THSD4: variants seen among roughly 807,000 people sequenced by gnomAD.
THSD4 encodes the protein thrombospondin type-1 domain-containing protein 4.
A neutral mutation model predicts 119.0 loss-of-function variants in THSD4; 69 were observed. That is an observed-to-expected ratio of 0.58 (90% CI 0.48 to 0.71). The LOEUF (loss-of-function observed/expected upper bound fraction) is 0.71, where lower values mean the gene tolerates loss of function less well. Ranked by LOEUF, THSD4 falls within the 30% of genes least tolerant of loss-of-function variation. THSD4 has a pLI of 0.00. For missense variants in THSD4, 1,393 were observed against 1,391.1 expected, an observed-to-expected ratio of 1.00 and a Z score of -0.02; for synonymous variants, 524 against 540.4, an observed-to-expected ratio of 0.97 and a Z score of 0.42.
chr15:71,180,171 T>TAAAAAAAAAAAAAA (rs61126896), intron 3 of THSD4, among the ~76,000 whole-genome samples: 2 of 141,326 alleles, frequency 1.4e-5, no homozygotes, highest in African/African-American at 2.7e-5. Context: ...AAAAAAAAAA[T>TAAAAAAAAAAAAAA]AAAAAAAAAA....
intron 6 of THSD4, among the ~76,000 whole-genome samples, chr15:71,362,337 C>T (rs750591384): frequency 1.8e-4 from 27 of 152,168 alleles, no homozygotes; most frequent in Non-Finnish European, 4.0e-4. Context: ...TCACTCTTTA[C>T]TCCTTTGTAC....
At chr15:71,269,710 T>C (rs1488291770) in intron 6 of THSD4, among the ~76,000 whole-genome samples, 1 of 152,114 alleles carries the variant, frequency 6.6e-6, no homozygotes, top group Non-Finnish European at 1.5e-5. Flanking sequence ...CCCATCGTCT[T>C]AACCCCAAAT....
intron 6 of THSD4, among the ~76,000 whole-genome samples, chr15:71,379,212 A>G (rs376140882): frequency 2.0e-5 from 3 of 150,792 alleles, no homozygotes; most frequent in East Asian, 3.9e-4. Flanking sequence ...TCTCATTGTT[A>G]AAGTACATCT....
Position 71,487,620 on chromosome 15 carries a change from G to C in THSD4, c.1152+75797G>C, listed in dbSNP as rs187417094. 2.6e-3 allele frequency among the ~76,000 whole-genome samples: 397 copies of C among 152,306 alleles called. 3 individuals carry two copies. The highest frequency in any genetic ancestry group is 0.017 in the South Asian group (80 of 4,826). On this transcript the variant is annotated intron_variant, in intron 7 of 17. Coordinates refer to ENST00000261862, the MANE Select transcript of THSD4 (RefSeq NM_024817.3). The stretch of plus-strand genomic sequence containing the variant: ...TGGCCAGCTTAGAATCTTTCATGTA[G>C]ATATTTGTCTAGCTCCAAAGTAAGA...
chr15:71,606,240 A>G (rs537145706), intron 7 of THSD4, among the ~76,000 whole-genome samples: 1 of 152,340 alleles, frequency 6.6e-6, no homozygotes, highest in East Asian at 1.9e-4. Context: ...GTTCTTGCGA[A>G]GAGCAAAAGA....
intron 8 of THSD4, among the ~76,000 whole-genome samples, chr15:71,698,144 G>A (rs1218969874): frequency 6.6e-6 from 1 of 152,162 alleles, no homozygotes; most frequent in Non-Finnish European, 1.5e-5. Context: ...GTCACTTCCT[G>A]ATGCCTATTG....
rs71154772 is a variant in THSD4, at chr15:71,442,660, GTATA to G, written c.1152+30877_1152+30880del. The stretch of plus-strand genomic sequence containing the variant: ...TGTGTGTATATGTGTGTGTGTGTGT[GTATA>G]TATATATATATATATATATATATAT... On this transcript the variant is annotated intron_variant, in intron 7 of 17. Transcript: ENST00000261862. 3.5e-3 allele frequency among the ~76,000 whole-genome samples: 91 copies of G among 25,820 alleles called. 11 individuals are homozygous for G. Among genetic ancestry groups the G allele is most frequent in the South Asian group, 0.012 (5 of 418 alleles). The allele number at this position is 25,820 out of a possible 152,430, so 16.9% of individuals were successfully genotyped here.
chr15:71,386,921 A>G (rs2046300217), intron 6 of THSD4, among the ~76,000 whole-genome samples: 2 of 152,196 alleles, frequency 1.3e-5, no homozygotes, highest in East Asian at 1.9e-4. Flanking sequence ...TGGAAACAGA[A>G]CAGAAAAGGA....
At chr15:71,327,987 T>C (rs2045369290) in intron 6 of THSD4, among the ~76,000 whole-genome samples, 1 of 152,164 alleles carries the variant, frequency 6.6e-6, no homozygotes, top group Admixed American at 6.5e-5. Context: ...CCCACAAACT[T>C]ACTAAGGTAA....
At chr15:71,284,876 A>G (rs2044697280) in intron 6 of THSD4, among the ~76,000 whole-genome samples, 1 of 152,180 alleles carries the variant, frequency 6.6e-6, no homozygotes, top group African/African-American at 2.4e-5. Context: ...GTCATGACCT[A>G]CCCAGTCCTT....
intron 7 of THSD4, among the ~76,000 whole-genome samples, chr15:71,522,846 G>A (rs2048462311): frequency 6.6e-6 from 1 of 152,192 alleles, no homozygotes; most frequent in Non-Finnish European, 1.5e-5. Flanking sequence ...TACCTGGAAG[G>A]TGAAAAGGAA....
intron 6 of THSD4, among the ~76,000 whole-genome samples, chr15:71,339,851 G>C (rs182907420): frequency 4.8e-4 from 73 of 152,010 alleles, no homozygotes; most frequent in Admixed American, 3.9e-3. Flanking sequence ...TGCAACCTCT[G>C]CCTCCTGGGT....
intron 4 of THSD4, among the ~76,000 whole-genome samples, chr15:71,227,546 A>G (rs1380717514): frequency 6.6e-6 from 1 of 152,344 alleles, no homozygotes; most frequent in East Asian, 1.9e-4. Context: ...TTGTTGATTC[A>G]GTCATAGTAA....
At chr15:71,254,314 A>C (rs1220608051) in intron 5 of THSD4, among the ~76,000 whole-genome samples, 1 of 152,190 alleles carries the variant, frequency 6.6e-6, no homozygotes, top group Non-Finnish European at 1.5e-5. Context: ...GGCTTGCCAC[A>C]TCTCCAGGTC....
intron 1 of THSD4, among the ~76,000 whole-genome samples, chr15:71,122,728 C>T (rs1021709826): frequency 6.6e-6 from 1 of 152,168 alleles, no homozygotes; most frequent in South Asian, 2.1e-4. Context: ...TGCTCCATCA[C>T]GGTTTCCTTA....
At chr15:71,407,259 C>T (rs1420643302) in intron 6 of THSD4, among the ~76,000 whole-genome samples, 3 of 152,120 alleles carry the variant, frequency 2.0e-5, no homozygotes, top group Non-Finnish European at 4.4e-5. Flanking sequence ...TGCTTTCTCC[C>T]CCATTTCCAA....
chr15:71,575,082 G>A (rs375518998), intron 7 of THSD4, among the ~76,000 whole-genome samples: 5 of 149,088 alleles, frequency 3.4e-5, no homozygotes, highest in African/African-American at 1.2e-4. Context: ...TGTTGCTGAG[G>A]GCATTGTTCA....
At chr15:71,593,853 A>G (rs905776286) in intron 7 of THSD4, among the ~76,000 whole-genome samples, 3 of 152,136 alleles carry the variant, frequency 2.0e-5, no homozygotes, top group East Asian at 3.9e-4. Flanking sequence ...GCAGTGAGCC[A>G]TGATTGCGCC....
intron 8 of THSD4, among the ~76,000 whole-genome samples, chr15:71,671,428 G>A (rs2051526064): frequency 6.6e-6 from 1 of 152,146 alleles, no homozygotes; most frequent in Admixed American, 6.5e-5. Context: ...TTCCCATTCT[G>A]TAGGTTGCCT....
Sources: allele counts gnomAD v4.1 joint callset (sites outside exome capture counted in the v4.1 genomes callset), GRCh38; gene constraint gnomAD v4.1.1; transcripts MANE v1.5; gene names NCBI Gene and HGNC (gene_info 2026-07-23, HGNC 2026-07-21).